CENPP: variants seen among roughly 807,000 people sequenced by gnomAD.
CENPP encodes the protein centromere protein P.
Under a neutral mutation model 35.6 loss-of-function variants are expected in CENPP, and 24 were observed. The ratio of observed to expected loss-of-function variants is 0.67; its 90% CI spans 0.49 to 0.95. The LOEUF is 0.95. Among genes scored for constraint, CENPP ranks in the 40% least tolerant of loss-of-function variants. The probability of loss-of-function intolerance (pLI) is 0.00; values close to 1 mark genes in which losing one functional copy is unlikely to be tolerated. For synonymous variants in CENPP, 120 were observed against 125.5 expected (o/e 0.96, Z 0.29); for missense variants, 332 against 345.3 (o/e 0.96, Z 0.31).
chr9:92,329,680 T>C (rs1278157543), intron 1 of CENPP, among the ~76,000 whole-genome samples: 1 of 152,074 alleles, frequency 6.6e-6, no homozygotes, highest in Non-Finnish European at 1.5e-5. Context: ...AGCCAAGTAG[T>C]TGGGACTGAA....
chr9:92,611,512 G>C, intron 6 of CENPP, 119 bp downstream of exon 6: 1 of 737,052 alleles, frequency 1.4e-6, no homozygotes, highest in South Asian at 1.8e-5. Context: ...AAAGGTCGTC[G>C]GTTGGAGGAA....
rs374791627 is a variant in CENPP, at chr9:92,367,647, C to T, written c.468-12116C>T. Among the ~76,000 whole-genome samples the T allele has an allele frequency of 2.1e-4, 32 of 151,974 alleles. No individual in the cohort carries two copies. In the East Asian group the frequency reaches 2.1e-3, roughly 10 times the overall value. On this transcript the variant is annotated intron_variant, in intron 4 of 7. Coordinates refer to ENST00000375587, the MANE Select transcript of CENPP (RefSeq NM_001012267.3). ...TTATTTATTTTTTGAGATGGAGTTT[C>T]ACTCTTGTTGCTCAGGCTGTAGTGC...
At chr9:92,532,609 T>C (rs982457515) in intron 5 of CENPP, among the ~76,000 whole-genome samples, 8 of 152,324 alleles carry the variant, frequency 5.3e-5, no homozygotes, top group East Asian at 1.9e-4. Flanking sequence ...TCATCTGTGA[T>C]TTATCTGCTA....
chr9:92,613,062 C>A lies in CENPP; in HGVS notation c.780C>A (p.Leu260=), dbSNP rs778634002. 1 of 1,614,210 alleles carries A rather than the reference C, an allele frequency of 6.2e-7. No homozygotes were observed. The highest frequency in any genetic ancestry group is 1.1e-5 in the South Asian group (1 of 91,084). ...ACAGAGCCATAGAAACTGCTCCTCTCAGCTTCCGAACCCTGGTAGGACTGC... is the reference window on the plus strand; with the variant it reads ...ACAGAGCCATAGAAACTGCTCCTCTAAGCTTCCGAACCCTGGTAGGACTGC... ...DKNRAIETAP[L]SFRTLVGLLG... The change falls in exon 8 of 8, where the codon CTC becomes CTA. Residue 260 remains leucine (L), a synonymous_variant. Coordinates refer to ENST00000375587, the MANE Select transcript of CENPP (RefSeq NM_001012267.3).
At chr9:92,610,737 A>G (rs1352657091) in intron 5 of CENPP, 1 of 153,526 alleles carries the variant, frequency 6.5e-6, no homozygotes, top group Non-Finnish European at 1.4e-5. Flanking sequence ...CACTGGGCAC[A>G]GTGAGGATAC....
intron 5 of CENPP, among the ~76,000 whole-genome samples, chr9:92,520,867 C>T (rs1192954656): frequency 6.6e-6 from 1 of 152,164 alleles, no homozygotes; most frequent in Admixed American, 6.5e-5. Flanking sequence ...CACAAGGCCA[C>T]ATATTATGTG....
chr9:92,410,226 G>A (rs1026371199), intron 5 of CENPP, among the ~76,000 whole-genome samples: 9 of 152,236 alleles, frequency 5.9e-5, no homozygotes, highest in African/African-American at 2.2e-4. Flanking sequence ...GTGAGCCACC[G>A]TGCCCAGCCT....
intron 4 of CENPP, among the ~76,000 whole-genome samples, chr9:92,371,590 T>C (rs1842005396): frequency 6.6e-6 from 1 of 152,180 alleles, no homozygotes; most frequent in African/African-American, 2.4e-5. Flanking sequence ...TCTGCAGTTG[T>C]TGGATAGCAT....
At position 92,618,880 on chromosome 9, in the gene CENPP, G is replaced by A. The variant is rs759350183; in HGVS notation, c.*5731G>A. The A allele has an allele frequency of 6.4e-5, 22 of 341,298 alleles. No homozygotes were observed. The highest frequency in any genetic ancestry group is 2.4e-4 in the African/African-American group (11 of 46,546). The allele number at this position is 341,298 out of a possible 1,614,324, so 21.1% of individuals were successfully genotyped here. On this transcript the variant is annotated 3_prime_UTR_variant, in exon 8 of 8. Coordinates refer to ENST00000375587, the MANE Select transcript of CENPP (RefSeq NM_001012267.3). ...GTGGAACATTCCGCAAATACTGGGT[G>A]CAGGGTTTAGCACCCCTGAAGATCG...
intron 1 of CENPP, among the ~76,000 whole-genome samples, chr9:92,327,304 T>C (rs1032522604): frequency 3.9e-5 from 6 of 152,162 alleles, no homozygotes; most frequent in Admixed American, 2.6e-4. Context: ...GACTATTTCT[T>C]AAAAAGGGTT....
chr9:92,429,243 A>G (rs1440968766), intron 5 of CENPP, among the ~76,000 whole-genome samples: 1 of 152,110 alleles, frequency 6.6e-6, no homozygotes, highest in Non-Finnish European at 1.5e-5. Flanking sequence ...CCTCCAGACA[A>G]TGGCCTCTGT....
intron 5 of CENPP, among the ~76,000 whole-genome samples, chr9:92,582,176 C>G (rs1260745427): frequency 6.6e-6 from 1 of 152,124 alleles, no homozygotes. Flanking sequence ...ACCTCCGCCT[C>G]CCAAGTAGCT....
intron 5 of CENPP, among the ~76,000 whole-genome samples, chr9:92,465,867 C>G (rs1343056353): frequency 6.8e-6 from 1 of 147,622 alleles, no homozygotes; most frequent in African/African-American, 2.5e-5. Context: ...GAGTTTCATT[C>G]TGTCACCCAG....
chr9:92,573,034 G>A lies in CENPP; in HGVS notation c.565-38280G>A, dbSNP rs936299198. On this transcript the variant is annotated intron_variant, in intron 5 of 7. Coordinates refer to ENST00000375587, the MANE Select transcript of CENPP (RefSeq NM_001012267.3). ...TTTTTAGCTTCTTTGCGATGGGTTCGAACATCCTCCTTTAGCTCAGCAAAG... is the reference window on the plus strand; with the variant it reads ...TTTTTAGCTTCTTTGCGATGGGTTCAAACATCCTCCTTTAGCTCAGCAAAG... 2.0e-5 allele frequency among the ~76,000 whole-genome samples: 3 copies of A among 152,108 alleles called. No homozygotes were observed. The South Asian group carries it at 6.2e-4, about 32-fold the overall frequency.
chr9:92,398,092 A>T (rs933840216), intron 5 of CENPP, among the ~76,000 whole-genome samples: 5 of 152,178 alleles, frequency 3.3e-5, no homozygotes, highest in African/African-American at 7.2e-5. Context: ...TAGTTCCAGT[A>T]TTGCTAACTC....
chr9:92,522,467 A>G, intron 5 of CENPP: 1 of 1,174,142 alleles, frequency 8.5e-7, no homozygotes, highest in Admixed American at 3.2e-5. Flanking sequence ...TCTTTAGAAA[A>G]TTATCTTCAT....
intron 5 of CENPP, among the ~76,000 whole-genome samples, chr9:92,458,727 G>A (rs117075404): frequency 0.026 from 3,987 of 152,296 alleles, 63 homozygotes; most frequent in Non-Finnish European, 0.042. Flanking sequence ...TGACATCAGG[G>A]ATGGGGCAGC....
chr9:92,566,044 T>A lies in CENPP; in HGVS notation c.565-45270T>A, dbSNP rs952035074. Among the ~76,000 whole-genome samples the A allele has an allele frequency of 1.6e-4, 24 of 152,318 alleles. No individual in the cohort carries two copies. The East Asian group carries it at 4.2e-3, about 27-fold the overall frequency. ...GCGGCCAAGCGTGGTGGCTCATGCC[T>A]GTAATCCCAGCACTTTGGGAGGATG... On this transcript the variant is annotated intron_variant, in intron 5 of 7. Coordinates refer to ENST00000375587, the MANE Select transcript of CENPP (RefSeq NM_001012267.3).
chr9:92,487,885 A>C (rs1846096658), intron 5 of CENPP, among the ~76,000 whole-genome samples: 1 of 152,228 alleles, frequency 6.6e-6, no homozygotes, highest in South Asian at 2.1e-4. Flanking sequence ...GCTCGATAGC[A>C]AGAAACTGTA....
Sources: gnomAD v4.1 joint callset for allele counts (sites outside exome capture counted in the v4.1 genomes callset) on GRCh38, gnomAD v4.1.1 for gene constraint, MANE v1.5 for transcripts, NCBI Gene and HGNC (gene_info 2026-07-23, HGNC 2026-07-21) for gene names.